Variants in CAPN7 observed in about 807,000 individuals in gnomAD.
The protein encoded by CAPN7 is calpain-7.
In CAPN7, 72 loss-of-function variants were observed where a neutral mutation model predicts 115.2. The ratio of observed to expected loss-of-function variants is 0.63; its 90% CI spans 0.52 to 0.76. CAPN7 has a LOEUF of 0.76. Among genes scored for constraint, CAPN7 ranks in the 30% least tolerant of loss-of-function variants. CAPN7 has a pLI of 0.00. For synonymous variants in CAPN7, 344 were observed against 322.3 expected, an observed-to-expected ratio of 1.07 and a Z score of -0.72; for missense variants, 905 against 971.5, an observed-to-expected ratio of 0.93 and a Z score of 0.91.
At chr3:15,241,333 T>G in intron 14 of CAPN7, 120 bp from the exon 15 acceptor site, 2 of 971,590 alleles carry the variant, frequency 2.1e-6, no homozygotes, top group African/African-American at 1.6e-5. Flanking sequence ...CCAAAAAAAT[T>G]TAAAAACAGT....
intron 19 of CAPN7, among the ~76,000 whole-genome samples, chr3:15,250,559 C>A (rs1459452536): frequency 6.6e-6 from 1 of 152,156 alleles, no homozygotes; most frequent in East Asian, 1.9e-4. Context: ...GTAGTCCCAA[C>A]TATTCAGAAG....
chr3:15,233,260 A>C (rs1352540674), intron 10 of CAPN7, among the ~76,000 whole-genome samples: 1 of 152,242 alleles, frequency 6.6e-6, no homozygotes, highest in Admixed American at 6.5e-5. Flanking sequence ...TAATAAAATG[A>C]AGTGACATAT....
At chr3:15,226,709 T>C (rs1694337545) in intron 6 of CAPN7, among the ~76,000 whole-genome samples, 1 of 152,180 alleles carries the variant, frequency 6.6e-6, no homozygotes, top group South Asian at 2.1e-4. Context: ...TATGCCATAT[T>C]CTATTTTAAG....
chr3:15,247,216 A>G lies in CAPN7; in HGVS notation c.2074-111A>G. ...TAAAGATGGGAGAGAGGGGTTGGAGACACAGAGTGGAAAATTGCCTTTTTT... is the reference window on the plus strand; with the variant it reads ...TAAAGATGGGAGAGAGGGGTTGGAGGCACAGAGTGGAAAATTGCCTTTTTT... On this transcript the variant is annotated intron_variant, in intron 18 of 20. Coordinates refer to ENST00000253693, the MANE Select transcript of CAPN7 (RefSeq NM_014296.3). 5.1e-6 allele frequency: 4 copies of G among 780,506 alleles called. No homozygotes were observed. In the South Asian group the frequency reaches 6.4e-5, roughly 13 times the overall value. 48.3% of individuals were successfully genotyped at this position (780,506 alleles called of 1,614,324 possible). A position where few individuals can be genotyped will look rare whatever the true frequency, so the allele number is the denominator to read the frequency against.
rs2124833253 is a variant in CAPN7, at chr3:15,206,373, G to A, written c.-123G>A. 2.9e-6 allele frequency: 2 copies of A among 692,858 alleles called. No individual in the cohort carries two copies. Among genetic ancestry groups the A allele is most frequent in the Non-Finnish European group, 2.4e-6 (1 of 412,630 alleles). The allele number at this position is 692,858 out of a possible 1,614,324, so 42.9% of individuals were successfully genotyped here. A position where few individuals can be genotyped will look rare whatever the true frequency, so the allele number is the denominator to read the frequency against. ...GGCGAGCTCTCCTCCACCGTCCAAA[G>A]TAAACTTTGCCGCTCCTTCCGCGGC... On this transcript the variant is annotated 5_prime_UTR_variant, in exon 1 of 21. Coordinates refer to ENST00000253693, the MANE Select transcript of CAPN7 (RefSeq NM_014296.3).
intron 16 of CAPN7, 129 bp from the exon 17 acceptor site, chr3:15,245,397 A>T (rs1201250903): frequency 2.5e-5 from 20 of 785,414 alleles, no homozygotes; most frequent in Non-Finnish European, 4.0e-5. Context: ...TAATTCACTA[A>T]TATCATTATA....
At chr3:15,222,804 A>G (rs1178259416) in intron 5 of CAPN7, among the ~76,000 whole-genome samples, 1 of 152,328 alleles carries the variant, frequency 6.6e-6, no homozygotes, top group East Asian at 1.9e-4. Flanking sequence ...TAGTCCCAAC[A>G]ATCATTTCAT....
Position 15,212,177 on chromosome 3 carries a change from A to G in CAPN7, c.176A>G (p.Glu59Gly). 6.2e-7 allele frequency: 1 copy of G among 1,609,178 alleles called. No homozygotes were observed. The highest frequency in any genetic ancestry group is 8.5e-7 in the Non-Finnish European group (1 of 1,176,746). ...SLENIQEKIT[E>G]YLERVQALHS... is the part of the protein sequence containing the mutation. ...GAAAATATTCAAGAAAAAATAACTG[A>G]GTATCTGGAAAGAGTTCAAGCTCTA... Residue 59 changes from glutamate to glycine, a missense_variant, in exon 2 of 21, where the codon GAG becomes GGG. Around this residue, in one of 3 missense-constraint regions of CAPN7, gnomAD observed 271 missense variants for 239.6 expected, o/e 1.13. Transcript: ENST00000253693.
intron 5 of CAPN7, among the ~76,000 whole-genome samples, chr3:15,223,156 T>G (rs187495358): frequency 6.6e-6 from 1 of 152,332 alleles, no homozygotes; most frequent in Admixed American, 6.5e-5. Flanking sequence ...CTTAAGCAAT[T>G]GATTTCTCCC....
chr3:15,240,624 A>G lies in CAPN7; in HGVS notation c.1552+7A>G, dbSNP rs1559407744. 1.3e-6 allele frequency: 2 copies of G among 1,583,090 alleles called. No homozygotes were observed. Among genetic ancestry groups the G allele is most frequent in the East Asian group, 2.2e-5 (1 of 44,634 alleles). On this transcript the variant is annotated splice_region_variant and intron_variant, in intron 13 of 20. Transcript: ENST00000253693. The stretch of plus-strand genomic sequence containing the variant: ...GCTCAGAAAATAGACAACGGTAAAT[A>G]TATCTTTTTAATTTTAATACCATTT...
At chr3:15,240,998 A>G in intron 14 of CAPN7, 145 bp downstream of exon 14, 1 of 559,626 alleles carries the variant, frequency 1.8e-6, no homozygotes, top group Non-Finnish European at 3.1e-6. Context: ...TGACCTCAGG[A>G]GTTCTAGACC....
At chr3:15,209,018 CT>C (rs1009404397) in intron 1 of CAPN7, among the ~76,000 whole-genome samples, 1 of 150,636 alleles carries the variant, frequency 6.6e-6, no homozygotes, top group Non-Finnish European at 1.5e-5. Context: ...ATCTTTTTTC[CT>C]TTTTTTTTGA....
Position 15,241,510 on chromosome 3 carries a change from C to G in CAPN7, c.1710C>G (p.Pro570=). ...VKDAYSLANN[P]QYKLEVQCPQ... is the part of the protein sequence containing the mutation. ...ATGCCTATAGCCTGGCCAACAACCC[C>G]CAGTACAAACTGGAGGTGCAGTGTC... Residue 570 remains proline (P), a synonymous_variant, in exon 15 of 21, where the codon CCC becomes CCG. Coordinates refer to ENST00000253693, the MANE Select transcript of CAPN7 (RefSeq NM_014296.3). The G allele has an allele frequency of 1.2e-6, 2 of 1,614,088 alleles. No homozygotes were observed. Among genetic ancestry groups the G allele is most frequent in the Non-Finnish European group, 1.7e-6 (2 of 1,179,984 alleles).
chr3:15,238,494 A>T (rs532193091), intron 12 of CAPN7, among the ~76,000 whole-genome samples: 2 of 151,788 alleles, frequency 1.3e-5, no homozygotes, highest in South Asian at 4.1e-4. Context: ...AGAAAGACCT[A>T]ATCTTAGACT....
chr3:15,208,453 ATTTTTTT>A (rs1218217326), intron 1 of CAPN7, among the ~76,000 whole-genome samples: 158 of 126,148 alleles, frequency 1.3e-3, no homozygotes, highest in Admixed American at 4.3e-3. Flanking sequence ...CACTTGGCTA[ATTTTTTT>A]TTTTTTTTTT....
intron 1 of CAPN7, among the ~76,000 whole-genome samples, 171 bp downstream of exon 1, chr3:15,206,768 C>A (rs1383461263): frequency 6.6e-6 from 1 of 152,206 alleles, no homozygotes; most frequent in East Asian, 1.9e-4. Context: ...GTGCAGAGGC[C>A]GACGCTGAGG....
intron 19 of CAPN7, among the ~76,000 whole-genome samples, chr3:15,248,688 G>T (rs1010143103): frequency 1.3e-5 from 2 of 152,032 alleles, no homozygotes; most frequent in African/African-American, 4.8e-5. Context: ...GTTTTAAAAG[G>T]TTTAAAAAAT....
chr3:15,228,974 A>G lies in CAPN7; in HGVS notation c.853A>G (p.Thr285Ala). ...YTVSSFSIKQ[T>A]IVSDCSFVAS... Reference sequence around the variant, plus strand: ...ATATGTTAATTATTCTTATTAACAGACAATAGTATCGGATTGCTCCTTTGT... The same window carrying G: ...ATATGTTAATTATTCTTATTAACAGGCAATAGTATCGGATTGCTCCTTTGT... Residue 285 changes from threonine (T) to alanine (A), a missense_variant and splice_region_variant, in exon 8 of 21, where the codon ACA becomes GCA. By Grantham distance (58) the Thr-to-Ala change is moderately conservative. Transcript: ENST00000253693. 1 of 1,605,142 alleles carries G rather than the reference A, an allele frequency of 6.2e-7. No individual in the cohort carries two copies. Among genetic ancestry groups the G allele is most frequent in the Non-Finnish European group, 8.5e-7 (1 of 1,173,218 alleles).
intron 2 of CAPN7, 76 bp downstream of exon 2, chr3:15,212,288 T>A: frequency 1.3e-6 from 1 of 755,548 alleles, no homozygotes; most frequent in Non-Finnish European, 2.1e-6. Context: ...TGTTTGTTTC[T>A]CTTCTTCATT....
Sources: allele counts gnomAD v4.1 joint callset (sites outside exome capture counted in the v4.1 genomes callset), GRCh38; gene constraint gnomAD v4.1.1; regional missense constraint gnomAD v4.1.1; transcripts MANE v1.5; gene names NCBI Gene and HGNC (gene_info 2026-07-23, HGNC 2026-07-21).